RFC1: variants seen among roughly 807,000 people sequenced by gnomAD.
RFC1 encodes A1 140 kDa subunit.
A neutral mutation model predicts 137.4 loss-of-function variants in RFC1; 37 were observed. The observed-to-expected ratio is 0.27, with a 90% CI of 0.21 to 0.35. RFC1 has a LOEUF of 0.35. Ranked by LOEUF, RFC1 falls within the 10% of genes least tolerant of loss-of-function variation. The probability of loss-of-function intolerance (pLI) is 1.00; values close to 1 mark genes in which losing one functional copy is unlikely to be tolerated. For missense variants in RFC1, 1,205 were observed against 1,358.5 expected (o/e 0.89, Z 1.78); for synonymous variants, 429 against 455.7 (o/e 0.94, Z 0.75).
intron 10 of RFC1, among the ~76,000 whole-genome samples, chr4:39,316,580 A>G (rs965710504): frequency 2.0e-5 from 3 of 152,172 alleles, no homozygotes; most frequent in African/African-American, 7.2e-5. Context: ...TTTCCCTCAT[A>G]GCACATATCC....
At position 39,366,264 on chromosome 4, in the gene RFC1, T is replaced by C. The variant is rs774746543; in HGVS notation, c.-23A>G. 2 of 1,533,286 alleles carry C rather than the reference T, an allele frequency of 1.3e-6. No homozygotes were observed. Among genetic ancestry groups the C allele is most frequent in the Non-Finnish European group, 1.8e-6 (2 of 1,139,290 alleles). 95.0% of individuals were successfully genotyped at this position (1,533,286 alleles called of 1,614,324 possible). On this transcript the variant is annotated 5_prime_UTR_variant, in exon 1 of 25. Coordinates refer to ENST00000349703, the MANE Select transcript of RFC1 (RefSeq NM_002913.5). ...CATCGCAGCCCCAGGATGAAGGCGC[T>C]GGCTGGCTGGCGGGTGGGCCGGTTG... is the stretch of plus-strand genomic sequence containing the variant.
rs182794527 is a variant in RFC1 at position 39,327,508 on chromosome 4, T to C, written c.564+16A>G. On this transcript the variant is annotated intron_variant, in intron 5 of 24. Transcript: ENST00000349703. The stretch of plus-strand genomic sequence containing the variant: ...TATAAATCCTGAGCATACTTGCTTA[T>C]ATGTAGAACACTTACCTCTTTTCTT... 111 of 1,547,580 alleles carry C rather than the reference T, an allele frequency of 7.2e-5. No homozygotes were observed. The highest frequency in any genetic ancestry group is 5.1e-4 in the Middle Eastern group (3 of 5,874).
intron 15 of RFC1, among the ~76,000 whole-genome samples, chr4:39,303,418 T>C (rs1338625835): frequency 1.3e-5 from 2 of 152,204 alleles, no homozygotes; most frequent in Admixed American, 6.5e-5. Flanking sequence ...TTAAGAGATA[T>C]TGTACACATA....
intron 3 of RFC1, among the ~76,000 whole-genome samples, chr4:39,345,161 C>T (rs1181832669): frequency 6.6e-6 from 1 of 152,094 alleles, no homozygotes; most frequent in Non-Finnish European, 1.5e-5. Flanking sequence ...ATTGCAGGCG[C>T]GTGCCACCAC....
rs1161990872 is a variant in RFC1 at position 39,366,165 on chromosome 4, G to A, written c.3+74C>T. On this transcript the variant is annotated intron_variant, in intron 1 of 24. Transcript: ENST00000349703. Reference sequence around the variant, plus strand: ...CCATCCTCCCCCACCCTGCATACCAGGAGTGCCCGGTCCACACCAGGCCTG... The same window carrying A: ...CCATCCTCCCCCACCCTGCATACCAAGAGTGCCCGGTCCACACCAGGCCTG... 1.9e-5 allele frequency: 29 copies of A among 1,507,550 alleles called. No homozygotes were observed. In the East Asian group the frequency reaches 7.6e-4, roughly 39 times the overall value. 93.4% of individuals were successfully genotyped at this position (1,507,550 alleles called of 1,614,324 possible).
At chr4:39,329,154 G>A (rs1369476612) in intron 4 of RFC1, among the ~76,000 whole-genome samples, 183 of 27,318 alleles carry the variant, frequency 6.7e-3, no homozygotes, top group African/African-American at 0.012. Flanking sequence ...AAAAAAAAAA[G>A]CTTTTCGATT....
intron 4 of RFC1, among the ~76,000 whole-genome samples, chr4:39,338,894 CCTCTAA>C (rs1740482684): frequency 6.6e-6 from 1 of 152,086 alleles, no homozygotes; most frequent in South Asian, 2.1e-4. Flanking sequence ...TACTTTGTAA[CCTCTAA>C]TCAATATCTC....
Position 39,337,435 on chromosome 4 carries a change from AGTGTGTGTGT to A in RFC1, c.331+4900_331+4909del, listed in dbSNP as rs71921435. On this transcript the variant is annotated intron_variant, in intron 4 of 24. Coordinates refer to ENST00000349703, the MANE Select transcript of RFC1 (RefSeq NM_002913.5). ...TTTACAATAAGATGCTACTCAAATA[AGTGTGTGTGT>A]GTGTGTGTGTGTGTGTGTGTGTGTG... Among the ~76,000 whole-genome samples the A allele has an allele frequency of 3.6e-3, 523 of 143,696 alleles. 2 individuals carry two copies. Among genetic ancestry groups the A allele is most frequent in the East Asian group, 0.014 (67 of 4,816 alleles). 94.3% of individuals were successfully genotyped at this position (143,696 alleles called of 152,430 possible).
chr4:39,336,306 A>G lies in RFC1; in HGVS notation c.331+6039T>C, dbSNP rs1009734536. Among the ~76,000 whole-genome samples, 10 of 86,126 alleles carry G rather than the reference A, an allele frequency of 1.2e-4. 1 individual carries two copies. In the Admixed American group the frequency reaches 1.4e-3, roughly 12 times the overall value. The allele number at this position is 86,126 out of a possible 152,430, so 56.5% of individuals were successfully genotyped here. ...TAAAGAAATGAAGTCCTAATTGTCA[A>G]AAAAAGAGAAAGGCAGATCCACACC... On this transcript the variant is annotated intron_variant, in intron 4 of 24. Transcript: ENST00000349703.
chr4:39,302,978 G>T, intron 16 of RFC1, 82 bp downstream of exon 16: 1 of 1,450,730 alleles, frequency 6.9e-7, no homozygotes, highest in Non-Finnish European at 9.7e-7. Context: ...TGCCTTAACT[G>T]CCCTAAGTAT....
chr4:39,365,603 G>A, intron 1 of RFC1: 1 of 413,404 alleles, frequency 2.4e-6, no homozygotes, highest in Non-Finnish European at 3.3e-6. Context: ...GCTGTCAAAT[G>A]TCTTGCATCT....
intron 6 of RFC1, among the ~76,000 whole-genome samples, chr4:39,326,253 C>A (rs1739758150): frequency 6.6e-6 from 1 of 152,182 alleles, no homozygotes; most frequent in South Asian, 2.1e-4. Flanking sequence ...AAACTAAATT[C>A]CAAAGTCCTT....
chr4:39,320,395 T>C lies in RFC1; in HGVS notation c.1083A>G (p.Pro361=). 2 of 1,519,332 alleles carry C rather than the reference T, an allele frequency of 1.3e-6. No individual in the cohort carries two copies. Among genetic ancestry groups the C allele is most frequent in the Non-Finnish European group, 8.8e-7 (1 of 1,130,704 alleles). 94.1% of individuals were successfully genotyped at this position (1,519,332 alleles called of 1,614,324 possible). A position where few individuals can be genotyped will look rare whatever the true frequency, so the allele number is the denominator to read the frequency against. ...ACAAAGTTCTTACCTCTTTTTTAGC[T>C]GGAGAACTTTTGGTTTTCTTAGGAG... ...TKTPKKTKSS[P]AKKESVSPED... is the part of the protein sequence containing the mutation. The change falls in exon 9 of 25, where the codon CCA becomes CCG. Residue 361 remains proline (P), a synonymous_variant. Coordinates refer to ENST00000349703, the MANE Select transcript of RFC1 (RefSeq NM_002913.5).
intron 4 of RFC1, among the ~76,000 whole-genome samples, chr4:39,337,673 C>T (rs909596939): frequency 2.6e-5 from 4 of 152,128 alleles, no homozygotes; most frequent in African/African-American, 9.7e-5. Context: ...CTAAGAGAAG[C>T]TCTCTATCAT....
chr4:39,348,424 AAAAAGAAAAGAAAAGAAAAG>A lies in RFC1; in HGVS notation c.132+2904_132+2923del, dbSNP rs201554512. ...GGCAACAGAGCAAGACTCTGTTTCAAAAAAGAAAAGAAAAGAAAAGAAAAGAAAAGAAAAGAAAAGAAAAG... is the reference window on the plus strand; with the variant it reads ...GGCAACAGAGCAAGACTCTGTTTCAAAAAAGAAAAGAAAAGAAAAGAAAAG... On this transcript the variant is annotated intron_variant, in intron 2 of 24. Coordinates refer to ENST00000349703, the MANE Select transcript of RFC1 (RefSeq NM_002913.5). 3.9e-3 allele frequency among the ~76,000 whole-genome samples: 283 copies of A among 71,814 alleles called. 18 individuals are homozygous for A. Among genetic ancestry groups the A allele is most frequent in the African/African-American group, 5.7e-3 (117 of 20,632 alleles). The allele number at this position is 71,814 out of a possible 152,430, so 47.1% of individuals were successfully genotyped here.
chr4:39,362,397 C>G (rs1451220120), intron 1 of RFC1, among the ~76,000 whole-genome samples: 1 of 152,160 alleles, frequency 6.6e-6, no homozygotes, highest in East Asian at 1.9e-4. Context: ...AAAATTATGA[C>G]AAAGCCACGG....
In RFC1 at chr4:39,365,604, T is replaced by C. The variant is rs183841401; in HGVS notation, c.3+635A>G. 48 of 412,510 alleles carry C rather than the reference T, an allele frequency of 1.2e-4. No homozygotes were observed. In the East Asian group the frequency reaches 5.6e-3, roughly 48 times the overall value. 25.6% of individuals were successfully genotyped at this position (412,510 alleles called of 1,614,324 possible). ...GTAAGAGGATGACAGCTGTCAAATGTCTTGCATCTGTTTCTATTCGCTGTA... is the reference window on the plus strand; with the variant it reads ...GTAAGAGGATGACAGCTGTCAAATGCCTTGCATCTGTTTCTATTCGCTGTA... On this transcript the variant is annotated intron_variant, in intron 1 of 24. Transcript: ENST00000349703.
At position 39,363,637 on chromosome 4, in the gene RFC1, G is replaced by A. The variant is rs147775221; in HGVS notation, c.3+2602C>T. Among the ~76,000 whole-genome samples, 265 of 147,834 alleles carry A rather than the reference G, an allele frequency of 1.8e-3. 1 individual carries two copies. The highest frequency in any genetic ancestry group is 6.3e-3 in the African/African-American group (255 of 40,256). On this transcript the variant is annotated intron_variant, in intron 1 of 24. Coordinates refer to ENST00000349703, the MANE Select transcript of RFC1 (RefSeq NM_002913.5). ...CACAGTGGTTCATGCCTGTAATCCC[G>A]GCACTTTAAGAGGCTGAGGCAGGTG... is the stretch of plus-strand genomic sequence containing the variant.
At chr4:39,361,330 A>G (rs1741743655) in intron 1 of RFC1, among the ~76,000 whole-genome samples, 1 of 152,168 alleles carries the variant, frequency 6.6e-6, no homozygotes, top group African/African-American at 2.4e-5. Context: ...CGGAGGTTGC[A>G]GTGAGCTGAG....
Sources: allele counts gnomAD v4.1 joint callset (sites outside exome capture counted in the v4.1 genomes callset), GRCh38; gene constraint gnomAD v4.1.1; transcripts MANE v1.5; gene names NCBI Gene and HGNC (gene_info 2026-07-23, HGNC 2026-07-21).